CAMTA1: variants seen among roughly 807,000 people sequenced by gnomAD.
CAMTA1 encodes calmodulin binding transcription activator 1.
A neutral mutation model predicts 170.9 loss-of-function variants in CAMTA1; 27 were observed. That is an observed-to-expected ratio of 0.16 (90% CI 0.12 to 0.22). The LOEUF (loss-of-function observed/expected upper bound fraction) is 0.22. CAMTA1 is among the 10% of genes least tolerant of loss of function. The pLI is 1.00. For missense variants in CAMTA1, 1,619 were observed against 2,217.2 expected (o/e 0.73, Z 5.42); for synonymous variants, 833 against 891.5 (o/e 0.93, Z 1.17).
intron 6 of CAMTA1, among the ~76,000 whole-genome samples, chr1:7,594,868 C>T (rs372105292): frequency 5.3e-4 from 81 of 152,252 alleles, no homozygotes; most frequent in African/African-American, 1.9e-3. Flanking sequence ...ATATTGCAGT[C>T]GAGGTGCTTG....
At position 6,994,732 on chromosome 1, in the gene CAMTA1, A is replaced by G. The variant is rs569120806; in HGVS notation, c.235-96572A>G. On this transcript the variant is annotated intron_variant, in intron 3 of 22. Transcript: ENST00000303635. ...ACCCAGACTAGAGTTCAGTGGCACA[A>G]TCTCGGCTCACAGCAACCTCCACCT... is the stretch of plus-strand genomic sequence containing the variant. 8.5e-5 allele frequency among the ~76,000 whole-genome samples: 13 copies of G among 152,112 alleles called. No homozygotes were observed. The East Asian group carries it at 2.5e-3, about 29-fold the overall frequency.
intron 6 of CAMTA1, among the ~76,000 whole-genome samples, chr1:7,508,138 G>A (rs571179197): frequency 9.2e-5 from 14 of 152,356 alleles, no homozygotes; most frequent in Middle Eastern, 3.4e-3. Flanking sequence ...TTATAGATGG[G>A]GAACCTGGAG....
chr1:6,886,875 A>G (rs1194931517), intron 3 of CAMTA1, among the ~76,000 whole-genome samples: 4 of 152,228 alleles, frequency 2.6e-5, no homozygotes, highest in African/African-American at 9.6e-5. Flanking sequence ...TGGTCATTTT[A>G]GAAGTCATCT....
Position 7,064,726 on chromosome 1 carries a change from A to G in CAMTA1, c.235-26578A>G, listed in dbSNP as rs1234351011. Reference sequence around the variant, plus strand: ...GGCTGGAGTCCAGAGATTGCAGAGCATGCTGGTACTGGAGGGTGGGGGAGG... The same window carrying G: ...GGCTGGAGTCCAGAGATTGCAGAGCGTGCTGGTACTGGAGGGTGGGGGAGG... On this transcript the variant is annotated intron_variant, in intron 3 of 22. Transcript: ENST00000303635. This position sits in a 1 kb window ranked among gnomAD's most constrained non-coding sequence, Gnocchi z 5.4. Among the ~76,000 whole-genome samples the G allele has an allele frequency of 2.1e-5, 3 of 144,494 alleles. No homozygotes were observed. The highest frequency in any genetic ancestry group is 4.5e-5 in the Non-Finnish European group (3 of 66,690). The allele number at this position is 144,494 out of a possible 152,430, so 94.8% of individuals were successfully genotyped here. A position where few individuals can be genotyped will look rare whatever the true frequency, so the allele number is the denominator to read the frequency against.
chr1:7,499,853 C>T (rs1432153536), intron 6 of CAMTA1, among the ~76,000 whole-genome samples: 1 of 133,846 alleles, frequency 7.5e-6, no homozygotes, highest in Non-Finnish European at 1.6e-5. Context: ...CATGTGTGTA[C>T]ATGAGTGTAT....
At chr1:7,460,240 C>T (rs1187292830) in intron 5 of CAMTA1, among the ~76,000 whole-genome samples, 1 of 152,252 alleles carries the variant, frequency 6.6e-6, no homozygotes, top group African/African-American at 2.4e-5. Flanking sequence ...TCCACCTGGC[C>T]AATTCCCTCT....
At chr1:6,977,321 C>G (rs1014422637) in intron 3 of CAMTA1, among the ~76,000 whole-genome samples, 1 of 151,818 alleles carries the variant, frequency 6.6e-6, no homozygotes, top group Non-Finnish European at 1.5e-5. Context: ...GAGCCAAGTA[C>G]TGGGCAAAGC....
chr1:6,875,452 T>G (rs1275262151), intron 3 of CAMTA1, among the ~76,000 whole-genome samples: 1 of 152,062 alleles, frequency 6.6e-6, no homozygotes, highest in African/African-American at 2.4e-5. Flanking sequence ...CTAGCTAATT[T>G]TTTTGTATTT....
chr1:7,079,216 C>T (rs766105486), intron 3 of CAMTA1, among the ~76,000 whole-genome samples: 4 of 152,168 alleles, frequency 2.6e-5, no homozygotes, highest in Non-Finnish European at 5.9e-5. Context: ...GTGCTGTAGA[C>T]CCACCTTTAC....
chr1:7,724,775 A>G (rs1472315575), intron 11 of CAMTA1, among the ~76,000 whole-genome samples: 2 of 149,738 alleles, frequency 1.3e-5, no homozygotes. Context: ...GTGAGCCGAG[A>G]TCGCACTACT....
chr1:6,809,641 A>C (rs556427994), intron 1 of CAMTA1, among the ~76,000 whole-genome samples: 1 of 152,078 alleles, frequency 6.6e-6, no homozygotes, highest in Admixed American at 6.5e-5. Flanking sequence ...TAGAAGTCAC[A>C]GTTGTGAGTG....
At chr1:7,139,232 ATATATTTATATTTATAATTATAAAAT>A (rs973672180) in intron 4 of CAMTA1, among the ~76,000 whole-genome samples, 1 of 87,552 alleles carries the variant, frequency 1.1e-5, no homozygotes, top group African/African-American at 3.4e-5. Context: ...TAATATAAAT[ATATATTTATATTTATAATTATAAAAT>A]TATATTCATA....
chr1:7,470,734 C>T (rs1357747713), intron 6 of CAMTA1, among the ~76,000 whole-genome samples: 1 of 152,204 alleles, frequency 6.6e-6, no homozygotes. Context: ...CAAGGAATAG[C>T]ACCCACTGCC....
At chr1:7,502,621 G>T (rs930045068) in intron 6 of CAMTA1, among the ~76,000 whole-genome samples, 1 of 152,184 alleles carries the variant, frequency 6.6e-6, no homozygotes, top group South Asian at 2.1e-4. Context: ...TCACCAGGTC[G>T]AGGAGTGGGG....
chr1:7,627,072 C>T (rs2095638696), intron 6 of CAMTA1, among the ~76,000 whole-genome samples: 2 of 152,126 alleles, frequency 1.3e-5, no homozygotes, highest in Admixed American at 1.3e-4. Context: ...TCCAATGTGG[C>T]AGGATGTGGA....
intron 1 of CAMTA1, among the ~76,000 whole-genome samples, chr1:6,797,390 G>A (rs1268506087): frequency 7.0e-6 from 1 of 142,404 alleles, no homozygotes; most frequent in Non-Finnish European, 1.5e-5. Context: ...TATTTACTGG[G>A]TTTTTTTTTT....
Position 7,482,696 on chromosome 1 carries a change from C to A in CAMTA1, c.510+14795C>A, listed in dbSNP as rs1380034859. 6.6e-6 allele frequency among the ~76,000 whole-genome samples: 1 copy of A among 152,114 alleles called. No homozygotes were observed. The highest frequency in any genetic ancestry group is 2.4e-5 in the African/African-American group (1 of 41,410). On this transcript the variant is annotated intron_variant, in intron 6 of 22. Transcript: ENST00000303635. The surrounding 1 kb of genome is among the most constrained non-coding windows in gnomAD (Gnocchi z 4.2). ...ATTCGGGGCAGAAACGTTTGTTGATCCTGAATTGCTAAAAGGTTTCTTAGT... is the reference window on the plus strand; with the variant it reads ...ATTCGGGGCAGAAACGTTTGTTGATACTGAATTGCTAAAAGGTTTCTTAGT...
chr1:7,659,875 A>G (rs1363922469), intron 7 of CAMTA1, among the ~76,000 whole-genome samples: 1 of 152,224 alleles, frequency 6.6e-6, no homozygotes, highest in African/African-American at 2.4e-5. Context: ...CCAGTTCTCC[A>G]GGCAGGAACT....
intron 6 of CAMTA1, among the ~76,000 whole-genome samples, chr1:7,540,084 T>A (rs371601001): frequency 1.3e-5 from 2 of 152,192 alleles, no homozygotes; most frequent in Non-Finnish European, 2.9e-5. Flanking sequence ...ACGTTGTACA[T>A]CCTTCTCTGT....
Sources: gnomAD v4.1 joint callset for allele counts (sites outside exome capture counted in the v4.1 genomes callset) on GRCh38, gnomAD v4.1.1 for gene constraint, Gnocchi (gnomAD v3.1) non-coding constraint, MANE v1.5 for transcripts, NCBI Gene and HGNC (gene_info 2026-07-23, HGNC 2026-07-21) for gene names.